SEC63: variants seen among roughly 807,000 people sequenced by gnomAD.
SEC63 encodes translocation protein SEC63 homolog.
In SEC63, 56 loss-of-function variants were observed where a neutral mutation model predicts 116.2. The ratio of observed to expected loss-of-function variants is 0.48; its 90% CI spans 0.39 to 0.60. The LOEUF is 0.60. Ranked by LOEUF, SEC63 falls within the 20% of genes least tolerant of loss-of-function variation. SEC63 has a pLI of 0.00. For missense variants in SEC63, 668 were observed against 900.0 expected (o/e 0.74, Z 3.30); for synonymous variants, 273 against 294.6 (o/e 0.93, Z 0.75).
chr6:107,905,076 G>T (rs574187992), intron 10 of SEC63, among the ~76,000 whole-genome samples: 1 of 152,196 alleles, frequency 6.6e-6, no homozygotes. Flanking sequence ...GCTAAATACA[G>T]GGGGAGAGAT....
intron 17 of SEC63, among the ~76,000 whole-genome samples, chr6:107,882,265 TAC>T (rs1786430262): frequency 6.6e-6 from 1 of 152,160 alleles, no homozygotes; most frequent in African/African-American, 2.4e-5. Flanking sequence ...TCTCCCAAAC[TAC>T]AGTGTTACTT....
rs771671466 is a variant in SEC63 at position 107,868,855 on chromosome 6, A to C, written c.*2849T>G. On this transcript the variant is annotated 3_prime_UTR_variant, in exon 21 of 21. Transcript: ENST00000369002. ...ACTCAGTAAATATGTGATGAATGAC[A>C]ACCTCTCAAAAATTATGTAAGGTGC... 6 of 152,192 alleles carry C rather than the reference A, an allele frequency of 3.9e-5. No individual in the cohort carries two copies. The highest frequency in any genetic ancestry group is 7.3e-5 in the Non-Finnish European group (5 of 68,028). 9.4% of individuals were successfully genotyped at this position (152,192 alleles called of 1,614,324 possible).
At chr6:107,883,702 G>A (rs1786463782) in intron 16 of SEC63, among the ~76,000 whole-genome samples, 1 of 151,422 alleles carries the variant, frequency 6.6e-6, no homozygotes, top group African/African-American at 2.4e-5. Context: ...AGCTAGTTGG[G>A]AGGTTGAGGT....
At chr6:107,938,593 C>T (rs1317262227) in intron 1 of SEC63, among the ~76,000 whole-genome samples, 8 of 149,310 alleles carry the variant, frequency 5.4e-5, no homozygotes, top group African/African-American at 2.0e-4. Flanking sequence ...GACGGAGTCT[C>T]ACTCTGTCAC....
At chr6:107,916,550 T>C (rs1480903624) in intron 4 of SEC63, among the ~76,000 whole-genome samples, 2 of 152,276 alleles carry the variant, frequency 1.3e-5, no homozygotes, top group Admixed American at 1.3e-4. Context: ...AGCAAACTTC[T>C]TATTGCACTT....
intron 1 of SEC63, among the ~76,000 whole-genome samples, chr6:107,944,472 CA>C (rs1770440406): frequency 6.6e-6 from 1 of 151,982 alleles, no homozygotes; most frequent in East Asian, 1.9e-4. Context: ...CCGAGGTGGG[CA>C]CATCACTTGA....
At chr6:107,945,547 A>AC (rs1055636366) in intron 1 of SEC63, among the ~76,000 whole-genome samples, 2 of 151,084 alleles carry the variant, frequency 1.3e-5, no homozygotes, top group African/African-American at 2.4e-5. Flanking sequence ...CTCGTGATCC[A>AC]CCCCCCTCGG....
chr6:107,957,852 C>G, intron 1 of SEC63, 34 bp downstream of exon 1: 1 of 1,591,200 alleles, frequency 6.3e-7, no homozygotes, highest in Non-Finnish European at 8.6e-7. Flanking sequence ...GCGGGGCCTG[C>G]GCGGGTTCGC....
intron 1 of SEC63, among the ~76,000 whole-genome samples, chr6:107,941,977 G>A (rs1040212456): frequency 6.6e-6 from 1 of 152,132 alleles, no homozygotes; most frequent in African/African-American, 2.4e-5. Flanking sequence ...TGTTAAGGTC[G>A]CATTAGCAGT....
At chr6:107,928,540 T>C (rs893316784) in intron 2 of SEC63, among the ~76,000 whole-genome samples, 4 of 151,492 alleles carry the variant, frequency 2.6e-5, no homozygotes, top group Non-Finnish European at 5.9e-5. Context: ...AAGTAAAACC[T>C]TACAAAGAAA....
intron 1 of SEC63, among the ~76,000 whole-genome samples, chr6:107,944,735 G>A (rs1452493749): frequency 3.3e-5 from 5 of 149,718 alleles, no homozygotes; most frequent in Non-Finnish European, 7.4e-5. Flanking sequence ...AGTCTAGCCT[G>A]GAAATAGAAA....
intron 1 of SEC63, among the ~76,000 whole-genome samples, chr6:107,933,760 T>C (rs1174312760): frequency 1.4e-5 from 2 of 145,070 alleles, no homozygotes; most frequent in African/African-American, 2.6e-5. Context: ...ACGGTCTCCC[T>C]CTGATGTCTA....
At chr6:107,901,668 T>C (rs1787007659) in intron 12 of SEC63, 151 bp from the exon 13 acceptor site, 2 of 556,864 alleles carry the variant, frequency 3.6e-6, no homozygotes, top group South Asian at 5.7e-5. Flanking sequence ...AATAACGATA[T>C]GGCATTTCAT....
At chr6:107,953,566 A>G (rs1295005347) in intron 1 of SEC63, among the ~76,000 whole-genome samples, 2 of 107,442 alleles carry the variant, frequency 1.9e-5, no homozygotes, top group South Asian at 2.8e-4. Flanking sequence ...TCCGGGAGGG[A>G]GGTGGGGGGG....
In SEC63 at chr6:107,957,944, G is replaced by T. The variant is rs753577600; in HGVS notation, c.66C>A (p.Phe22Leu). The change falls in exon 1 of 21, where the codon TTC becomes TTA. Residue 22 changes from phenylalanine to leucine, a missense_variant. Phe to Leu is a conservative substitution (Grantham distance 22, BLOSUM62 0). Around this residue, in one of 5 missense-constraint regions of SEC63, gnomAD observed 142 missense variants for 169.5 expected, o/e 0.84. Transcript: ENST00000369002. ...TCGCCGGGATCACGATGAGCCCCAC[G>T]AAGGAGGTGAGGAAGTAGAAGAAGG... ...GNTFFYFLTS[F>L]VGLIVIPATY... 1 of 1,613,430 alleles carries T rather than the reference G, an allele frequency of 6.2e-7. No individual in the cohort carries two copies. The highest frequency in any genetic ancestry group is 1.3e-5 in the African/African-American group (1 of 74,984).
At chr6:107,877,653 G>A (rs1411238794) in intron 18 of SEC63, among the ~76,000 whole-genome samples, 1 of 151,998 alleles carries the variant, frequency 6.6e-6, no homozygotes. Context: ...TGTTGCCCTG[G>A]CTGGTCTTGA....
chr6:107,889,459 G>GC (rs1376268507), intron 16 of SEC63, among the ~76,000 whole-genome samples: 1 of 151,872 alleles, frequency 6.6e-6, no homozygotes, highest in Non-Finnish European at 1.5e-5. Context: ...TTTTTTTATT[G>GC]CATCTATTTG....
At chr6:107,954,715 A>C (rs1406721412) in intron 1 of SEC63, 2 of 152,180 alleles carry the variant, frequency 1.3e-5, no homozygotes, top group Non-Finnish European at 2.9e-5. Flanking sequence ...AGAGCTTTGA[A>C]TGAGGCAGTA....
At chr6:107,931,582 T>G (rs1204697894) in intron 1 of SEC63, among the ~76,000 whole-genome samples, 1 of 150,654 alleles carries the variant, frequency 6.6e-6, no homozygotes, top group Non-Finnish European at 1.5e-5. Context: ...ACCCTCTCTC[T>G]ACTAAAAAGA....
Sources: gnomAD v4.1 joint callset for allele counts (sites outside exome capture counted in the v4.1 genomes callset) on GRCh38, gnomAD v4.1.1 for gene constraint, gnomAD v4.1.1 regional missense constraint, MANE v1.5 for transcripts, NCBI Gene and HGNC (gene_info 2026-07-23, HGNC 2026-07-21) for gene names.